SCOC: variants seen among roughly 807,000 people sequenced by gnomAD.
SCOC encodes short coiled-coil protein.
In SCOC, 7 loss-of-function variants were observed where a neutral mutation model predicts 9.9. That is an observed-to-expected ratio of 0.71 (90% CI 0.40 to 1.33). SCOC has a LOEUF of 1.33. Among genes scored for constraint, SCOC ranks in the 40% most tolerant of loss-of-function variants. SCOC has a pLI of 0.01. For synonymous variants in SCOC, 19 were observed against 28.2 expected, an observed-to-expected ratio of 0.67 and a Z score of 1.03; for missense variants, 66 against 89.7, an observed-to-expected ratio of 0.74 and a Z score of 1.07.
chr4:140,324,348 T>C (rs138118879), intron 1 of SCOC, among the ~76,000 whole-genome samples: 163 of 152,282 alleles, frequency 1.1e-3, no homozygotes, highest in African/African-American at 3.8e-3. Context: ...CTGGAAGTCA[T>C]AGCCAGTGAA....
At chr4:140,312,522 G>A (rs1267337421) in intron 1 of SCOC, among the ~76,000 whole-genome samples, 2 of 152,058 alleles carry the variant, frequency 1.3e-5, no homozygotes, top group African/African-American at 4.8e-5. Flanking sequence ...TCGAACTCCT[G>A]GGCTCAAGTA....
At chr4:140,281,958 AT>A (rs1731109198) in intron 1 of SCOC, among the ~76,000 whole-genome samples, 2 of 152,184 alleles carry the variant, frequency 1.3e-5, no homozygotes, top group Admixed American at 1.3e-4. Context: ...GAAATTGGGT[AT>A]CCTATATACA....
chr4:140,329,835 T>G (rs1578815846), intron 1 of SCOC, among the ~76,000 whole-genome samples: 1 of 152,090 alleles, frequency 6.6e-6, no homozygotes, highest in Non-Finnish European at 1.5e-5. Flanking sequence ...AAAGGAAAAC[T>G]TTTACACTGC....
intron 2 of SCOC, among the ~76,000 whole-genome samples, chr4:140,351,185 T>A (rs1447646313): frequency 6.6e-6 from 1 of 150,434 alleles, no homozygotes; most frequent in African/African-American, 2.5e-5. Flanking sequence ...AGCGAGACTT[T>A]ATCTAAAAAA....
chr4:140,278,859 C>T (rs1731041995), intron 1 of SCOC, among the ~76,000 whole-genome samples: 1 of 123,670 alleles, frequency 8.1e-6, no homozygotes, highest in South Asian at 3.1e-4. Flanking sequence ...CCCGTATTCA[C>T]TTTGCCCCCC....
At chr4:140,373,604 C>G, upstream of SCOC, 2 of 1,551,692 alleles carry the variant, frequency 1.3e-6, no homozygotes, top group Non-Finnish European at 8.7e-7. Context: ...GGATTCTTCT[C>G]ACGGCGCACG....
intron 2 of SCOC, among the ~76,000 whole-genome samples, chr4:140,355,007 G>C (rs941608549): frequency 6.6e-6 from 1 of 151,730 alleles, no homozygotes; most frequent in African/African-American, 2.4e-5. Flanking sequence ...AACTTGGTTG[G>C]ACTGAAGGAT....
intron 2 of SCOC, chr4:140,366,855 C>T: frequency 1.3e-6 from 1 of 784,000 alleles, no homozygotes; most frequent in Non-Finnish European, 2.3e-6. Flanking sequence ...AGCGCCTGAA[C>T]ACCATGTTGG....
At chr4:140,311,124 T>C in intron 1 of SCOC, among the ~76,000 whole-genome samples, 1 of 152,118 alleles carries the variant, frequency 6.6e-6, no homozygotes, top group Non-Finnish European at 1.5e-5. Context: ...AACTACTAAC[T>C]ACTTGGGAGG....
At chr4:140,375,508 A>G (rs1001594644) in intron 1 of SCOC, among the ~76,000 whole-genome samples, 1 of 152,128 alleles carries the variant, frequency 6.6e-6, no homozygotes. Flanking sequence ...ATTGTTAATC[A>G]TTGTGCCAGG....
rs138761730 is a variant in SCOC, at chr4:140,276,381, C to T, written c.-19+18971C>T. ...CTGAAACTCCTGACCTCAAGTGATC[C>T]GCTTGCCTTGGCCTCCCAAAGTGCT... On this transcript the variant is annotated intron_variant, in intron 1 of 4. Transcript: ENST00000394205. Among the ~76,000 whole-genome samples the T allele has an allele frequency of 4.8e-3, 733 of 152,238 alleles. 8 individuals carry two copies. Among genetic ancestry groups the T allele is most frequent in the African/African-American group, 0.016 (675 of 41,532 alleles).
At chr4:140,343,716 A>AG in intron 2 of SCOC, 1 of 1,598,702 alleles carries the variant, frequency 6.3e-7, no homozygotes, top group Non-Finnish European at 8.6e-7. Flanking sequence ...TAGGTAAGGA[A>AG]AAAATGGATA....
At chr4:140,337,591 A>G (rs1732992385) in intron 1 of SCOC, among the ~76,000 whole-genome samples, 1 of 152,206 alleles carries the variant, frequency 6.6e-6, no homozygotes. Context: ...AGAATCAAAT[A>G]GACGCAATAA....
chr4:140,352,696 CGA>C (rs1727032618), intron 2 of SCOC, among the ~76,000 whole-genome samples: 1 of 152,162 alleles, frequency 6.6e-6, no homozygotes, highest in South Asian at 2.1e-4. Flanking sequence ...TTTCAGTAAT[CGA>C]GAGTGTTCTC....
At chr4:140,275,949 G>A (rs909382189) in intron 1 of SCOC, among the ~76,000 whole-genome samples, 8 of 150,138 alleles carry the variant, frequency 5.3e-5, no homozygotes, top group South Asian at 2.1e-4. Flanking sequence ...TCAGCCTCCC[G>A]AGTGCTTGGG....
At chr4:140,373,592 T>A, upstream of SCOC, 1 of 1,551,516 alleles carries the variant, frequency 6.4e-7, no homozygotes, top group Non-Finnish European at 8.7e-7. Flanking sequence ...TGGGACGGGA[T>A]GGGATTCTTC....
chr4:140,321,513 T>C (rs1732499713), intron 1 of SCOC, among the ~76,000 whole-genome samples: 1 of 152,154 alleles, frequency 6.6e-6, no homozygotes. Flanking sequence ...CAACTAAAAA[T>C]GCTAGACATC....
Position 140,382,107 on chromosome 4 carries a change from C to T in SCOC, c.*1003C>T, listed in dbSNP as rs1023567388. 3.3e-5 allele frequency: 5 copies of T among 152,034 alleles called. No individual in the cohort carries two copies. The highest frequency in any genetic ancestry group is 1.2e-4 in the African/African-American group (5 of 41,388). The allele number at this position is 152,034 out of a possible 1,614,324, so 9.4% of individuals were successfully genotyped here. A position where few individuals can be genotyped will look rare whatever the true frequency, so the allele number is the denominator to read the frequency against. ...CAGTGGGTCAACTTCTGCAAAATTC[C>T]GTAATGGTGTATTAGTATTAGAATA... is the stretch of plus-strand genomic sequence containing the variant. On this transcript the variant is annotated 3_prime_UTR_variant, in exon 4 of 4. Transcript: ENST00000608372.
chr4:140,354,244 T>G (rs1345698790), intron 2 of SCOC, among the ~76,000 whole-genome samples: 1 of 152,216 alleles, frequency 6.6e-6, no homozygotes. Context: ...CTTTGGAATT[T>G]TAAATGACTT....
Sources: gnomAD v4.1 joint callset for allele counts (sites outside exome capture counted in the v4.1 genomes callset) on GRCh38, gnomAD v4.1.1 for gene constraint, MANE v1.5 for transcripts, NCBI Gene and HGNC (gene_info 2026-07-23, HGNC 2026-07-21) for gene names.